CALN1: variants seen among roughly 807,000 people sequenced by gnomAD.
CALN1 encodes the protein calneuron 1.
Under a neutral mutation model 30.6 loss-of-function variants are expected in CALN1, and 17 were observed. The observed-to-expected ratio is 0.56, with a 90% CI of 0.38 to 0.83. CALN1 has a LOEUF of 0.83. Among genes scored for constraint, CALN1 ranks in the 40% least tolerant of loss-of-function variants. CALN1 has a pLI of 0.00. For missense variants in CALN1, 291 were observed against 354.9 expected, an observed-to-expected ratio of 0.82 and a Z score of 1.45; for synonymous variants, 156 against 131.4, an observed-to-expected ratio of 1.19 and a Z score of -1.28.
chr7:71,852,765 T>C (rs1444228477), intron 5 of CALN1, among the ~76,000 whole-genome samples: 1 of 152,104 alleles, frequency 6.6e-6, no homozygotes, highest in Non-Finnish European at 1.5e-5. Context: ...GGGCAAGAAG[T>C]GGGTAACTCA....
At chr7:72,354,065 TAA>T in intron 2 of CALN1, among the ~76,000 whole-genome samples, 2 of 152,174 alleles carry the variant, frequency 1.3e-5, no homozygotes, top group East Asian at 3.9e-4. Flanking sequence ...TGGGCCCCTC[TAA>T]TCCCAGCTAC....
chr7:71,886,704 C>T (rs924289958), intron 5 of CALN1, among the ~76,000 whole-genome samples: 5 of 146,916 alleles, frequency 3.4e-5, no homozygotes, highest in African/African-American at 5.1e-5. Flanking sequence ...ATCTGGGAGG[C>T]GGAGGTTGCA....
chr7:72,392,486 C>T (rs1411504455), intron 2 of CALN1, among the ~76,000 whole-genome samples: 1 of 152,108 alleles, frequency 6.6e-6, no homozygotes, highest in Non-Finnish European at 1.5e-5. Flanking sequence ...GAGGAAGGGG[C>T]ACATAGTGAA....
intron 5 of CALN1, among the ~76,000 whole-genome samples, chr7:71,857,205 A>G (rs956225166): frequency 6.6e-6 from 1 of 152,212 alleles, no homozygotes; most frequent in Non-Finnish European, 1.5e-5. Flanking sequence ...TACAAAGGAC[A>G]TGAGTTAAAT....
intron 3 of CALN1, among the ~76,000 whole-genome samples, chr7:72,127,636 A>G (rs1016286599): frequency 2.0e-5 from 3 of 152,104 alleles, no homozygotes; most frequent in Admixed American, 6.6e-5. Context: ...ATGAAAGAAA[A>G]GGAGGGACAT....
chr7:72,451,535 T>A (rs1808664340), upstream of CALN1, among the ~76,000 whole-genome samples: 1 of 151,930 alleles, frequency 6.6e-6, no homozygotes. Flanking sequence ...GCTGGTAAGA[T>A]GTCCACAGCA....
chr7:72,082,849 A>G (rs1306704401), intron 4 of CALN1, among the ~76,000 whole-genome samples: 1 of 152,178 alleles, frequency 6.6e-6, no homozygotes, highest in Non-Finnish European at 1.5e-5. Context: ...TATTTATTTT[A>G]GACTTGCAGG....
chr7:71,831,660 C>A (rs907739191), intron 5 of CALN1, among the ~76,000 whole-genome samples: 6 of 150,982 alleles, frequency 4.0e-5, no homozygotes, highest in Non-Finnish European at 8.9e-5. Flanking sequence ...AGGAGGTGGG[C>A]GGATCACTTG....
chr7:72,066,127 T>C (rs1804006276), intron 4 of CALN1, among the ~76,000 whole-genome samples: 1 of 152,220 alleles, frequency 6.6e-6, no homozygotes, highest in Non-Finnish European at 1.5e-5. Context: ...GTTGATTGTT[T>C]GGATGCAAAT....
chr7:72,355,539 C>A (rs1054585055), intron 2 of CALN1, among the ~76,000 whole-genome samples: 31 of 151,936 alleles, frequency 2.0e-4, no homozygotes, highest in Non-Finnish European at 2.9e-5. Flanking sequence ...CAAAATGGAA[C>A]AAAAACAAAA....
At chr7:72,335,984 C>T (rs1187242491) in intron 2 of CALN1, among the ~76,000 whole-genome samples, 2 of 152,312 alleles carry the variant, frequency 1.3e-5, no homozygotes, top group East Asian at 1.9e-4. Context: ...CGAGTAAACC[C>T]AGACTGTCCG....
chr7:72,054,500 CAT>C (rs1330349619), intron 4 of CALN1, among the ~76,000 whole-genome samples: 1,193 of 106,038 alleles, frequency 0.011, 69 homozygotes, highest in African/African-American at 0.047. Context: ...TACATATATA[CAT>C]ATATATACAT....
chr7:72,199,755 G>A (rs371613330), intron 3 of CALN1, among the ~76,000 whole-genome samples: 14 of 152,172 alleles, frequency 9.2e-5, no homozygotes, highest in African/African-American at 2.9e-4. Flanking sequence ...GATCGCTGGA[G>A]CCCAGGAGGT....
intron 3 of CALN1, among the ~76,000 whole-genome samples, chr7:72,193,609 G>A (rs73141572): frequency 0.011 from 1,643 of 152,246 alleles, 20 homozygotes; most frequent in South Asian, 0.04. Context: ...ATATGTTATT[G>A]CTCCTAGGTT....
intron 3 of CALN1, among the ~76,000 whole-genome samples, chr7:72,182,473 A>C (rs1789882971): frequency 6.6e-6 from 1 of 152,180 alleles, no homozygotes; most frequent in African/African-American, 2.4e-5. Context: ...TAATCCAACC[A>C]CTTTAGGAGG....
At chr7:72,482,909 T>A in the CALN1 span, among the ~76,000 whole-genome samples, 2 of 152,218 alleles carry the variant, frequency 1.3e-5, no homozygotes, top group African/African-American at 4.8e-5. Flanking sequence ...TTTGATTAAT[T>A]CTTTCAATTT....
chr7:72,201,756 A>AG (rs1791445311), intron 3 of CALN1, among the ~76,000 whole-genome samples: 2 of 143,254 alleles, frequency 1.4e-5, no homozygotes, highest in African/African-American at 5.9e-5. Context: ...AAAAAAAAAA[A>AG]GCAGTAACTG....
chr7:72,084,123 C>G (rs555076005), intron 4 of CALN1, among the ~76,000 whole-genome samples: 1 of 152,004 alleles, frequency 6.6e-6, no homozygotes, highest in South Asian at 2.1e-4. Context: ...GCAGGAGAAT[C>G]GCTTGAACCT....
intron 5 of CALN1, among the ~76,000 whole-genome samples, chr7:72,021,059 C>A (rs1800675659): frequency 6.6e-6 from 1 of 152,020 alleles, no homozygotes; most frequent in Non-Finnish European, 1.5e-5. Flanking sequence ...TTGCTTGAGG[C>A]TAGGAGTTTG....
Sources: allele counts gnomAD v4.1 joint callset (sites outside exome capture counted in the v4.1 genomes callset), GRCh38; gene constraint gnomAD v4.1.1; transcripts MANE v1.5; gene names NCBI Gene and HGNC (gene_info 2026-07-23, HGNC 2026-07-21).